The following TNIP3 variants were observed in gnomAD, a reference collection of about 807,000 sequenced individuals.
TNIP3 encodes the protein TNFAIP3 interacting protein 3, also known as TNFAIP3-interacting protein 3.
TNIP3 carries 34 observed loss-of-function variants against 54.1 expected under a neutral mutation model. The ratio of observed to expected loss-of-function variants is 0.63; its 90% CI spans 0.48 to 0.84. The LOEUF (loss-of-function observed/expected upper bound fraction) is 0.84. Among genes scored for constraint, TNIP3 ranks in the 40% least tolerant of loss-of-function variants. The pLI, the probability that TNIP3 is intolerant of heterozygous loss-of-function variation, is 0.00. For synonymous variants in TNIP3, 134 were observed against 136.8 expected (o/e 0.98, Z 0.14); for missense variants, 366 against 387.6 (o/e 0.94, Z 0.47).
intron 2 of TNIP3, among the ~76,000 whole-genome samples, chr4:121,214,305 A>T (rs1279422632): frequency 2.0e-5 from 3 of 152,218 alleles, no homozygotes; most frequent in Non-Finnish European, 4.4e-5. Context: ...AACATTTTAG[A>T]TTACTATTAA....
In TNIP3 at chr4:121,225,741, A is replaced by T. The variant is rs1395948682; in HGVS notation, c.3+1644T>A. 1.2e-4 allele frequency among the ~76,000 whole-genome samples: 18 copies of T among 152,102 alleles called. 1 individual carries two copies. ...TTAGTTGGCCAAAAACTTAGTAAGCACCTTTGCCTTCCCCTTCTCACTCCT... is the reference window on the plus strand; with the variant it reads ...TTAGTTGGCCAAAAACTTAGTAAGCTCCTTTGCCTTCCCCTTCTCACTCCT... On this transcript the variant is annotated intron_variant, in intron 1 of 12. Transcript: ENST00000509841.
At chr4:121,144,214 A>G (rs1240448289) in intron 7 of TNIP3, among the ~76,000 whole-genome samples, 2 of 152,206 alleles carry the variant, frequency 1.3e-5, no homozygotes, top group South Asian at 2.1e-4. Flanking sequence ...TTCTCACAGC[A>G]TATAGCAGAA....
chr4:121,160,476 CAA>C (rs10672885), intron 2 of TNIP3, among the ~76,000 whole-genome samples: 2 of 137,854 alleles, frequency 1.5e-5, no homozygotes, highest in Admixed American at 7.3e-5. Context: ...AACACTGTCT[CAA>C]AAAAAAAAAA....
chr4:121,187,495 T>G (rs905187941), intron 2 of TNIP3, among the ~76,000 whole-genome samples: 2 of 152,226 alleles, frequency 1.3e-5, no homozygotes, highest in Admixed American at 6.5e-5. Context: ...AGCTTGTGAC[T>G]TTTTACTCTA....
At chr4:121,198,827 G>A (rs1440460793) in intron 2 of TNIP3, among the ~76,000 whole-genome samples, 3 of 152,156 alleles carry the variant, frequency 2.0e-5, no homozygotes, top group Non-Finnish European at 4.4e-5. Flanking sequence ...AGAACAAGCT[G>A]TTCTTTCAAA....
intron 8 of TNIP3, among the ~76,000 whole-genome samples, chr4:121,142,489 AC>A (rs1292086140): frequency 6.6e-6 from 1 of 152,238 alleles, no homozygotes; most frequent in Non-Finnish European, 1.5e-5. Context: ...TCTAAGGAGC[AC>A]TAAGACTTGT....
At chr4:121,191,446 G>A (rs1725304113) in intron 2 of TNIP3, among the ~76,000 whole-genome samples, 1 of 152,122 alleles carries the variant, frequency 6.6e-6, no homozygotes, top group Non-Finnish European at 1.5e-5. Context: ...AGTTTTCTTG[G>A]AAATAGGCAT....
intron 2 of TNIP3, chr4:121,216,363 A>G: frequency 1.4e-6 from 2 of 1,428,050 alleles, no homozygotes; most frequent in Non-Finnish European, 1.9e-6. Context: ...GAAGTGCTCT[A>G]ATTAGAATAT....
chr4:121,198,868 A>G (rs1433891221), intron 2 of TNIP3, among the ~76,000 whole-genome samples: 2 of 152,262 alleles, frequency 1.3e-5, no homozygotes, highest in South Asian at 2.1e-4. Flanking sequence ...CATAAAATAT[A>G]CATATAGCTC....
Position 121,207,224 on chromosome 4 carries a change from GA to G in TNIP3, c.68+9190del, listed in dbSNP as rs1199262340. On this transcript the variant is annotated intron_variant, in intron 2 of 12. Coordinates refer to the TNIP3 transcript ENST00000507879. ...ATTCAGAGAATTGTTCAGAAGTACA[GA>G]AAAAAAGCCTCAAGATCAGTAAAAA... 4.6e-5 allele frequency among the ~76,000 whole-genome samples: 7 copies of G among 151,886 alleles called. No homozygotes were observed. The East Asian group carries it at 1.2e-3, about 25-fold the overall frequency.
chr4:121,151,543 A>T (rs1729757317), intron 5 of TNIP3, among the ~76,000 whole-genome samples: 1 of 152,100 alleles, frequency 6.6e-6, no homozygotes, highest in South Asian at 2.1e-4. Context: ...TTAATAATTT[A>T]TGTTTTTTGA....
At position 121,164,214 on chromosome 4, in the gene TNIP3, A is replaced by T; in HGVS notation, c.-89T>A. ...TATATTTTAGGGTGAGAGCAAGTAT[A>T]CAAAATTTAAAAAACACACATCACC... On this transcript the variant is annotated 5_prime_UTR_variant, in exon 1 of 11. Coordinates refer to ENST00000057513, the MANE Select transcript of TNIP3 (RefSeq NM_024873.6). The T allele has an allele frequency of 6.3e-7, 1 of 1,588,138 alleles. No homozygotes were observed. Among genetic ancestry groups the T allele is most frequent in the Admixed American group, 1.8e-5 (1 of 55,964 alleles).
At chr4:121,171,414 A>T (rs2148821428) in intron 3 of TNIP3, among the ~76,000 whole-genome samples, 1 of 152,344 alleles carries the variant, frequency 6.6e-6, no homozygotes, top group Admixed American at 6.5e-5. Flanking sequence ...GTTCATGTTC[A>T]TGGCAGAATT....
intron 3 of TNIP3, among the ~76,000 whole-genome samples, chr4:121,158,286 T>C (rs114451453): frequency 1.3e-3 from 199 of 152,318 alleles, no homozygotes; most frequent in African/African-American, 4.6e-3. Flanking sequence ...AAATAGGTCA[T>C]GCTATCTAAT....
At chr4:121,145,751 A>T (rs111980757) in intron 7 of TNIP3, among the ~76,000 whole-genome samples, 1 of 151,860 alleles carries the variant, frequency 6.6e-6, no homozygotes, top group African/African-American at 2.4e-5. Context: ...TTTGTTCTAA[A>T]ACTGTTTTAC....
intron 1 of TNIP3, among the ~76,000 whole-genome samples, chr4:121,163,546 G>T (rs1166210211): frequency 6.6e-6 from 1 of 152,038 alleles, no homozygotes; most frequent in Non-Finnish European, 1.5e-5. Context: ...TATATTCAAG[G>T]TCTGATGCTA....
At position 121,155,676 on chromosome 4, in the gene TNIP3, T is replaced by C. The variant is rs370695895; in HGVS notation, c.364-997A>G. Among the ~76,000 whole-genome samples the C allele has an allele frequency of 9.3e-4, 141 of 152,314 alleles. 2 individuals are homozygous for C. The South Asian group carries it at 0.029, about 31-fold the overall frequency. On this transcript the variant is annotated intron_variant, in intron 4 of 10. Transcript: ENST00000057513. ...ATATCTCCTACCTCTTAATTTTGTA[T>C]AATAGATAGCAAACATTTTGTGAAG... is the stretch of plus-strand genomic sequence containing the variant.
At chr4:121,227,020 TA>T (rs1225350724) in intron 1 of TNIP3, among the ~76,000 whole-genome samples, 1 of 152,214 alleles carries the variant, frequency 6.6e-6, no homozygotes. Flanking sequence ...TACTTACATT[TA>T]GTTATTATTT....
At chr4:121,132,979 A>G (rs556788548) in intron 10 of TNIP3, among the ~76,000 whole-genome samples, 18 of 152,304 alleles carry the variant, frequency 1.2e-4, no homozygotes, top group Non-Finnish European at 2.5e-4. Flanking sequence ...TAAGTCATAT[A>G]TATGACTTAG....
Sources: allele counts gnomAD v4.1 joint callset (sites outside exome capture counted in the v4.1 genomes callset), GRCh38; gene constraint gnomAD v4.1.1; transcripts MANE v1.5; gene names NCBI Gene and HGNC (gene_info 2026-07-23, HGNC 2026-07-21).